RDX: variants seen among roughly 807,000 people sequenced by gnomAD.
The protein encoded by RDX is deafness, autosomal recessive 24.
Under a neutral mutation model 83.7 loss-of-function variants are expected in RDX, and 32 were observed. The observed-to-expected ratio is 0.38, with a 90% CI of 0.29 to 0.51. The LOEUF is 0.51. Ranked by LOEUF, RDX falls within the 20% of genes least tolerant of loss-of-function variation. RDX has a pLI of 0.87. For missense variants in RDX, 600 were observed against 689.9 expected (o/e 0.87, Z 1.46); for synonymous variants, 229 against 222.7 (o/e 1.03, Z -0.25).
chr11:110,289,475 T>C (rs1168117385), intron 1 of RDX, among the ~76,000 whole-genome samples: 2 of 152,210 alleles, frequency 1.3e-5, no homozygotes, highest in Non-Finnish European at 2.9e-5. Context: ...ACTAAGTTTT[T>C]ATAGTTTTTC....
At chr11:110,185,977 T>A (rs768857465) in intron 15 of RDX, among the ~76,000 whole-genome samples, 1 of 152,180 alleles carries the variant, frequency 6.6e-6, no homozygotes, top group Non-Finnish European at 1.5e-5. Context: ...CTGATGACTG[T>A]TGCATCCACG....
At chr11:110,283,955 C>T (rs1320749106) in intron 1 of RDX, among the ~76,000 whole-genome samples, 1 of 151,968 alleles carries the variant, frequency 6.6e-6, no homozygotes, top group Non-Finnish European at 1.5e-5. Flanking sequence ...GCTCAGATTC[C>T]ACTCAGTAAA....
chr11:110,282,287 C>T (rs752010022), intron 1 of RDX, among the ~76,000 whole-genome samples: 3 of 152,092 alleles, frequency 2.0e-5, no homozygotes, highest in Non-Finnish European at 4.4e-5. Flanking sequence ...GTAATACAAT[C>T]ACTAAAGGTT....
At chr11:110,221,140 ACGTAATGTGACT>A (rs1864233268) in intron 14 of RDX, among the ~76,000 whole-genome samples, 1 of 152,180 alleles carries the variant, frequency 6.6e-6, no homozygotes, top group South Asian at 2.1e-4. Context: ...CAAATGAAGA[ACGTAATGTGACT>A]CTTGGGGAAA....
chr11:110,215,897 G>A (rs893187254), intron 14 of RDX, among the ~76,000 whole-genome samples: 2 of 152,274 alleles, frequency 1.3e-5, no homozygotes, highest in Admixed American at 1.3e-4. Flanking sequence ...TCTTTGTGTG[G>A]ATAAGGGAAT....
chr11:110,295,064 A>T (rs993305342), intron 1 of RDX, among the ~76,000 whole-genome samples: 1 of 152,250 alleles, frequency 6.6e-6, no homozygotes, highest in Non-Finnish European at 1.5e-5. Flanking sequence ...TAACTTCAAA[A>T]GGAGTGTTTT....
At chr11:110,234,651 G>T (rs1318933) in intron 12 of RDX, among the ~76,000 whole-genome samples, 41,867 of 151,924 alleles carry the variant, frequency 0.28, 6,026 homozygotes, top group East Asian at 0.52. Context: ...AAGTTTATGT[G>T]TCTCTAAATT....
chr11:110,244,324 T>C (rs907712781), intron 10 of RDX, among the ~76,000 whole-genome samples: 8 of 131,452 alleles, frequency 6.1e-5, no homozygotes, highest in East Asian at 2.4e-4. Flanking sequence ...ATCACGCCAT[T>C]TGCACTCCAA....
At chr11:110,288,731 T>C (rs1861089013) in intron 1 of RDX, among the ~76,000 whole-genome samples, 1 of 152,234 alleles carries the variant, frequency 6.6e-6, no homozygotes, top group Non-Finnish European at 1.5e-5. Context: ...AACTCCCTTT[T>C]TTGAAAAACT....
intron 15 of RDX, chr11:110,185,123 C>G (rs1272781583): frequency 2.0e-5 from 3 of 152,140 alleles, no homozygotes; most frequent in African/African-American, 4.8e-5. Flanking sequence ...AGGTTTTATC[C>G]AAGGAGAACT....
chr11:110,241,481 G>C (rs1343442503), intron 10 of RDX, among the ~76,000 whole-genome samples: 1 of 152,114 alleles, frequency 6.6e-6, no homozygotes, highest in African/African-American at 2.4e-5. Context: ...ATTTTTAGTA[G>C]AGATGGGGTT....
intron 2 of RDX, chr11:110,273,154 C>A: frequency 2.2e-6 from 1 of 451,366 alleles, no homozygotes; most frequent in Non-Finnish European, 4.4e-6. Context: ...TGAGGGCTGC[C>A]GTGAGCTATG....
intron 14 of RDX, among the ~76,000 whole-genome samples, chr11:110,202,405 C>T (rs1234024076): frequency 2.6e-5 from 4 of 151,760 alleles, no homozygotes; most frequent in African/African-American, 9.7e-5. Context: ...AAAAAAAAAT[C>T]TGTCTAGTTT....
chr11:110,224,688 G>A (rs901577197), downstream of RDX, among the ~76,000 whole-genome samples: 1 of 152,098 alleles, frequency 6.6e-6, no homozygotes, highest in Non-Finnish European at 1.5e-5. Flanking sequence ...AAAAGAGGTC[G>A]GCTGGAAAAT....
chr11:110,274,877 G>T (rs1484956931), intron 2 of RDX, among the ~76,000 whole-genome samples: 1 of 152,086 alleles, frequency 6.6e-6, no homozygotes, highest in African/African-American at 2.4e-5. Context: ...ATACTGCTAT[G>T]AACATTCTCG....
intron 1 of RDX, among the ~76,000 whole-genome samples, chr11:110,292,625 T>A (rs771380621): frequency 1.3e-5 from 2 of 152,122 alleles, no homozygotes; most frequent in Admixed American, 1.3e-4. Context: ...TCAGTCCTAG[T>A]TGACTTAAAC....
chr11:110,266,411 C>T (rs1226770176), intron 3 of RDX, among the ~76,000 whole-genome samples: 1 of 151,704 alleles, frequency 6.6e-6, no homozygotes, highest in Non-Finnish European at 1.5e-5. Context: ...CCACACCTAA[C>T]AAAAGCATAT....
intron 10 of RDX, among the ~76,000 whole-genome samples, chr11:110,245,097 T>C (rs1355650908): frequency 6.6e-6 from 1 of 151,844 alleles, no homozygotes; most frequent in East Asian, 1.9e-4. Flanking sequence ...CCCTAGTAGC[T>C]GGGATTACAG....
rs1555049797 is a variant in RDX, at chr11:110,289,979, A to AAC, written c.-65+6487_-65+6488insGT. 3.6e-3 allele frequency among the ~76,000 whole-genome samples: 528 copies of AAC among 144,712 alleles called. 23 individuals carry two copies. The highest frequency in any genetic ancestry group is 0.013 in the African/African-American group (489 of 36,870). The allele number at this position is 144,712 out of a possible 152,430, so 94.9% of individuals were successfully genotyped here. A position where few individuals can be genotyped will look rare whatever the true frequency, so the allele number is the denominator to read the frequency against. Reference sequence around the variant, plus strand: ...CTCAAAAAAAAAAAAAAAAAAAAAAAAAACAAGGGTCCTTACGTTGCATTA... The same window carrying AAC: ...CTCAAAAAAAAAAAAAAAAAAAAAAAACAAACAAGGGTCCTTACGTTGCATTA... On this transcript the variant is annotated intron_variant, in intron 1 of 13. Transcript: ENST00000645495.
Sources: gnomAD v4.1 joint callset for allele counts (sites outside exome capture counted in the v4.1 genomes callset) on GRCh38, gnomAD v4.1.1 for gene constraint, MANE v1.5 for transcripts, NCBI Gene and HGNC (gene_info 2026-07-23, HGNC 2026-07-21) for gene names.